The following LOXL2 variants were observed in gnomAD, a reference collection of about 807,000 sequenced individuals.
LOXL2 encodes lysyl oxidase like 2, also known as lysyl oxidase homolog 2.
In LOXL2, 70 loss-of-function variants were observed where a neutral mutation model predicts 93.0. The observed-to-expected ratio is 0.75, with a 90% CI of 0.62 to 0.92. LOXL2 has a LOEUF of 0.92. LOXL2 is among the 40% of genes least tolerant of loss of function. LOXL2 has a pLI of 0.00. For synonymous variants in LOXL2, 438 were observed against 413.2 expected (o/e 1.06, Z -0.73); for missense variants, 973 against 1,054.9 (o/e 0.92, Z 1.08).
chr8:23,298,939 A>G lies in LOXL2; in HGVS notation c.2142T>C (p.Ile714=). 6.2e-7 allele frequency: 1 copy of G among 1,602,266 alleles called. No homozygotes were observed. The highest frequency in any genetic ancestry group is 8.6e-7 in the Non-Finnish European group (1 of 1,169,396). ...PPGDYLFQVV[I]NPNFEVAESD... ...ATTCTGCAACCTCGAAGTTGGGGTT[A>G]ATAACAACCTAGGGAGAAGCAGGGC... Residue 714 remains isoleucine (I), a synonymous_variant, in exon 13 of 14, where the codon ATT becomes ATC. Coordinates refer to ENST00000389131, the MANE Select transcript of LOXL2 (RefSeq NM_002318.3).
intron 2 of LOXL2, among the ~76,000 whole-genome samples, chr8:23,367,750 G>A (rs1223473539): frequency 6.6e-6 from 1 of 152,148 alleles, no homozygotes; most frequent in Non-Finnish European, 1.5e-5. Context: ...CTGTGCTAAA[G>A]CCAGGAAAGT....
intron 2 of LOXL2, chr8:23,363,351 G>A (rs1254365409): frequency 2.6e-5 from 4 of 152,132 alleles, no homozygotes; most frequent in African/African-American, 4.8e-5. Flanking sequence ...CCATTGTGGA[G>A]AACAAAGAGC....
chr8:23,324,235 T>G (rs893872380), intron 6 of LOXL2, among the ~76,000 whole-genome samples: 18 of 152,186 alleles, frequency 1.2e-4, no homozygotes, highest in African/African-American at 4.3e-4. Context: ...CTGTGTAAAC[T>G]TGCGTGGCTG....
At chr8:23,316,721 C>A in intron 9 of LOXL2, 1 of 527,608 alleles carries the variant, frequency 1.9e-6, no homozygotes, top group Non-Finnish European at 3.3e-6. Flanking sequence ...ATCCGGGCTA[C>A]AGACTGCAGC....
At position 23,316,988 on chromosome 8, in the gene LOXL2, C is replaced by T; in HGVS notation, c.1597G>A (p.Gly533Ser). 1 of 1,613,912 alleles carries T rather than the reference C, an allele frequency of 6.2e-7. No homozygotes were observed. The highest frequency in any genetic ancestry group is 1.3e-5 in the African/African-American group (1 of 75,056). Residue 533 changes from glycine to serine, a missense_variant, in exon 9 of 14, where the codon GGC becomes AGC. By Grantham distance (56) the Gly-to-Ser change is moderately conservative. Transcript: ENST00000389131. ...ACTCCGGCCCCGTACTGCACTCCGC[C>T]CTGGGGGCAGGCCACGTCCTCCCCG... ...HDGEDVACPQ[G>S]GVQYGAGVAC...
At position 23,322,223 on chromosome 8, in the gene LOXL2, T is replaced by C. The variant is rs766315101; in HGVS notation, c.1209A>G (p.Ile403Met). ...IQCTGNEKSI[I>M]DCKFNAESQG... is the part of the protein sequence containing the mutation. ...GAGACTCGGCATTGAACTTGCAGTCTATAATGGACTTCTCATTGCCTGTGC... is the reference window on the plus strand; with the variant it reads ...GAGACTCGGCATTGAACTTGCAGTCCATAATGGACTTCTCATTGCCTGTGC... The change falls in exon 7 of 14, where the codon ATA becomes ATG. Residue 403 changes from isoleucine to methionine, a missense_variant. Physicochemically the swap from Ile to Met is conservative, Grantham distance 10. Transcript: ENST00000389131. 1.9e-6 allele frequency: 3 copies of C among 1,614,196 alleles called. No individual in the cohort carries two copies. In the East Asian group the frequency reaches 6.7e-5, roughly 36 times the overall value.
chr8:23,376,870 T>C (rs1370089987), intron 1 of LOXL2, among the ~76,000 whole-genome samples: 1 of 152,226 alleles, frequency 6.6e-6, no homozygotes, highest in Non-Finnish European at 1.5e-5. Context: ...ATCAATTTTG[T>C]TGATCTTTTC....
At chr8:23,403,479 T>G (rs2117246995) in intron 1 of LOXL2, among the ~76,000 whole-genome samples, 1 of 151,612 alleles carries the variant, frequency 6.6e-6, no homozygotes, top group Admixed American at 6.6e-5. Flanking sequence ...CCCCACTCCG[T>G]CCCAGCCCAG....
Position 23,302,007 on chromosome 8 carries a change from C to A in LOXL2, c.2133+20G>T, listed in dbSNP as rs752248133. 4 of 1,613,684 alleles carry A rather than the reference C, an allele frequency of 2.5e-6. No homozygotes were observed. The Admixed American group carries it at 6.7e-5, about 27-fold the overall frequency. ...CCCTCCTCCCCCTGCAGGGCTGGAA[C>A]CCCTTCCCACCCACCTCACCTGGAA... On this transcript the variant is annotated intron_variant, in intron 12 of 13. Transcript: ENST00000389131.
At chr8:23,400,230 G>A (rs568315936) in intron 1 of LOXL2, among the ~76,000 whole-genome samples, 1 of 152,330 alleles carries the variant, frequency 6.6e-6, no homozygotes, top group African/African-American at 2.4e-5. Context: ...TGCTAATAAA[G>A]ACATACCCGA....
At chr8:23,303,752 A>G (rs1347959312) in intron 10 of LOXL2, among the ~76,000 whole-genome samples, 1 of 152,216 alleles carries the variant, frequency 6.6e-6, no homozygotes, top group Non-Finnish European at 1.5e-5. Flanking sequence ...TAAGCGTGCA[A>G]CTGGCTCTCA....
chr8:23,298,301 C>T (rs1173983114), intron 13 of LOXL2, among the ~76,000 whole-genome samples, 179 bp from the exon 14 acceptor site: 2 of 152,206 alleles, frequency 1.3e-5, no homozygotes, highest in South Asian at 2.1e-4. Flanking sequence ...GGTGCTCTGT[C>T]AAAGTTGAGT....
At chr8:23,322,326 A>G (rs752627896) in intron 6 of LOXL2, 45 bp from the exon 7 acceptor site, 1 of 1,582,576 alleles carries the variant, frequency 6.3e-7, no homozygotes, top group East Asian at 2.3e-5. Flanking sequence ...TTTGGAAGGA[A>G]ACTTTCTGGA....
chr8:23,303,477 G>A (rs1159713509), intron 10 of LOXL2, 80 bp from the exon 11 acceptor site: 1 of 821,872 alleles, frequency 1.2e-6, no homozygotes, highest in Non-Finnish European at 2.1e-6. Flanking sequence ...CTGGCGATTT[G>A]CCTCTGGGAA....
At chr8:23,389,573 T>C (rs1484457828) in intron 1 of LOXL2, among the ~76,000 whole-genome samples, 1 of 152,130 alleles carries the variant, frequency 6.6e-6, no homozygotes, top group East Asian at 1.9e-4. Context: ...ATAGCAACAA[T>C]TGTTTTTATT....
intron 1 of LOXL2, among the ~76,000 whole-genome samples, chr8:23,403,342 G>A (rs1298693270): frequency 6.6e-6 from 1 of 152,188 alleles, no homozygotes; most frequent in South Asian, 2.1e-4. Flanking sequence ...CGTGCCGAGA[G>A]CGCCTCTGCT....
intron 2 of LOXL2, chr8:23,366,253 C>T (rs1327319578): frequency 2.0e-5 from 3 of 152,204 alleles, no homozygotes; most frequent in East Asian, 1.9e-4. Flanking sequence ...AAGTATCGGA[C>T]GTTTGTTTAA....
At chr8:23,357,173 A>G (rs1804214992) in intron 3 of LOXL2, among the ~76,000 whole-genome samples, 4 of 151,820 alleles carry the variant, frequency 2.6e-5, no homozygotes, top group Non-Finnish European at 5.9e-5. Flanking sequence ...AGGTTCCAGC[A>G]ATTCTCCTGC....
chr8:23,390,942 A>G (rs1804834647), intron 1 of LOXL2, among the ~76,000 whole-genome samples: 1 of 150,822 alleles, frequency 6.6e-6, no homozygotes, highest in Non-Finnish European at 1.5e-5. Context: ...GTGGAAGGTG[A>G]AAGGTGAAAG....
Sources: allele counts gnomAD v4.1 joint callset (sites outside exome capture counted in the v4.1 genomes callset), GRCh38; gene constraint gnomAD v4.1.1; transcripts MANE v1.5; gene names NCBI Gene and HGNC (gene_info 2026-07-23, HGNC 2026-07-21).